Variants in RAB38 observed in about 807,000 individuals in gnomAD.
The protein encoded by RAB38 is ras-related protein Rab-38.
A neutral mutation model predicts 18.4 loss-of-function variants in RAB38; 15 were observed. That is an observed-to-expected ratio of 0.82 (90% CI 0.55 to 1.26). RAB38 has a LOEUF of 1.26. Ranked by LOEUF, RAB38 falls within the 50% of genes most tolerant of loss-of-function variation. The pLI, the probability that RAB38 is intolerant of heterozygous loss-of-function variation, is 0.00. For missense variants in RAB38, 294 were observed against 267.4 expected (o/e 1.10, Z -0.69); for synonymous variants, 101 against 104.4 (o/e 0.97, Z 0.20).
the RAB38 span, among the ~76,000 whole-genome samples, chr11:88,100,757 G>A: frequency 6.6e-6 from 1 of 151,968 alleles, no homozygotes; most frequent in East Asian, 1.9e-4. Context: ...TTTTAAAACT[G>A]CAAGACACAA....
At chr11:88,052,931 T>TTTC in the RAB38 span, among the ~76,000 whole-genome samples, 7,628 of 39,210 alleles carry the variant, frequency 0.19, 762 homozygotes, top group Admixed American at 0.31. Flanking sequence ...TATATATATA[T>TTTC]ATATATATAT....
chr11:87,809,995 T>C, the RAB38 span, among the ~76,000 whole-genome samples: 1 of 152,180 alleles, frequency 6.6e-6, no homozygotes, highest in Admixed American at 6.5e-5. Context: ...TCTTAAATTC[T>C]ATGAATTTCA....
intron 2 of RAB38, among the ~76,000 whole-genome samples, chr11:88,117,389 C>T (rs1248278685): frequency 6.6e-6 from 1 of 152,076 alleles, no homozygotes; most frequent in East Asian, 1.9e-4. Context: ...CAAGTAGAGC[C>T]ATTGAGGGTT....
the RAB38 span, among the ~76,000 whole-genome samples, chr11:87,910,639 T>TTC: frequency 5.5e-5 from 1 of 18,032 alleles, no homozygotes; most frequent in Non-Finnish European, 3.7e-4. Flanking sequence ...TTTTCTTTTT[T>TTC]TTTTTTTTTT....
At chr11:87,823,403 A>G in the RAB38 span, among the ~76,000 whole-genome samples, 482 of 152,080 alleles carry the variant, frequency 3.2e-3, 10 homozygotes, top group Non-Finnish European at 6.8e-4. Flanking sequence ...TTTTTTGGTA[A>G]AAGTTGAGTT....
At chr11:87,972,935 A>C in the RAB38 span, among the ~76,000 whole-genome samples, 1 of 151,848 alleles carries the variant, frequency 6.6e-6, no homozygotes, top group Non-Finnish European at 1.5e-5. Flanking sequence ...ATGAATTCTT[A>C]TGAGATCTGG....
At chr11:87,897,912 C>T in the RAB38 span, among the ~76,000 whole-genome samples, 1 of 151,706 alleles carries the variant, frequency 6.6e-6, no homozygotes, top group Non-Finnish European at 1.5e-5. Context: ...TAAGCAAAGA[C>T]ATGACTCAGA....
the RAB38 span, among the ~76,000 whole-genome samples, chr11:88,008,680 C>CT: frequency 1.3e-5 from 2 of 152,072 alleles, no homozygotes; most frequent in South Asian, 4.1e-4. Context: ...AGTTTCTTTT[C>CT]TTTTTTCTTT....
the RAB38 span, among the ~76,000 whole-genome samples, chr11:88,026,181 T>A: frequency 1.5e-3 from 224 of 152,056 alleles, 1 homozygote; most frequent in East Asian, 0.026. Context: ...GTCAGACTGG[T>A]CTTAAACTCC....
chr11:87,853,069 T>C, the RAB38 span, among the ~76,000 whole-genome samples: 62 of 152,250 alleles, frequency 4.1e-4, no homozygotes, highest in Middle Eastern at 6.8e-3. Context: ...TTATGTGTTA[T>C]AGTTGTGATA....
chr11:87,823,742 C>A, the RAB38 span, among the ~76,000 whole-genome samples: 1 of 151,818 alleles, frequency 6.6e-6, no homozygotes, highest in Non-Finnish European at 1.5e-5. Flanking sequence ...TGAAAACCAC[C>A]CAAATGCTCA....
the RAB38 span, among the ~76,000 whole-genome samples, chr11:87,934,902 T>C: frequency 6.6e-6 from 1 of 151,880 alleles, no homozygotes; most frequent in Non-Finnish European, 1.5e-5. Context: ...AGCGATGAGA[T>C]GGGATAACAA....
At chr11:88,035,861 CT>C in the RAB38 span, among the ~76,000 whole-genome samples, 77 of 149,084 alleles carry the variant, frequency 5.2e-4, no homozygotes, top group Middle Eastern at 3.5e-3. Flanking sequence ...CCTCAATGCC[CT>C]TTTTTTTTTC....
At chr11:87,938,305 C>T in the RAB38 span, among the ~76,000 whole-genome samples, 13 of 152,144 alleles carry the variant, frequency 8.5e-5, 1 homozygote, top group South Asian at 2.7e-3. Context: ...GTCTTTGACA[C>T]CATCTTGGTG....
chr11:88,094,162 A>G, the RAB38 span, among the ~76,000 whole-genome samples: 29 of 152,016 alleles, frequency 1.9e-4, 1 homozygote, highest in South Asian at 6.0e-3. Flanking sequence ...CATACGCACA[A>G]CATCAGTAGT....
chr11:87,932,659 C>T, the RAB38 span, among the ~76,000 whole-genome samples: 3 of 152,124 alleles, frequency 2.0e-5, no homozygotes, highest in Non-Finnish European at 4.4e-5. Context: ...AGCTTGCTCT[C>T]TGCTGTGTTA....
At chr11:88,149,149 T>G (rs1313780336) in intron 2 of RAB38, among the ~76,000 whole-genome samples, 1 of 152,194 alleles carries the variant, frequency 6.6e-6, no homozygotes, top group Admixed American at 6.5e-5. Flanking sequence ...CAAGCTATGC[T>G]GTGTTCTTCA....
At chr11:88,046,063 C>T in the RAB38 span, among the ~76,000 whole-genome samples, 3 of 152,102 alleles carry the variant, frequency 2.0e-5, no homozygotes, top group East Asian at 3.9e-4. Flanking sequence ...CTTGTATCTC[C>T]CCACCTTAAC....
the RAB38 span, among the ~76,000 whole-genome samples, chr11:88,088,051 T>C: frequency 0.58 from 88,362 of 151,596 alleles, 26,245 homozygotes; most frequent in South Asian, 0.68. Context: ...TGGAGGTGTG[T>C]GAATCTCTAG....
Sources: allele counts gnomAD v4.1 joint callset (sites outside exome capture counted in the v4.1 genomes callset), GRCh38; gene constraint gnomAD v4.1.1; transcripts MANE v1.5; gene names NCBI Gene and HGNC (gene_info 2026-07-23, HGNC 2026-07-21).